ABCG1: variants seen among roughly 807,000 people sequenced by gnomAD.
ABCG1 encodes ATP binding cassette subfamily G member 1.
In ABCG1, 29 loss-of-function variants were observed where a neutral mutation model predicts 69.2. The ratio of observed to expected loss-of-function variants is 0.42; its 90% CI spans 0.31 to 0.57. The LOEUF is 0.57. ABCG1 is among the 20% of genes least tolerant of loss of function. The probability of loss-of-function intolerance (pLI) is 0.15; values close to 1 mark genes in which losing one functional copy is unlikely to be tolerated. For missense variants in ABCG1, 718 were observed against 898.1 expected, an observed-to-expected ratio of 0.80 and a Z score of 2.56; for synonymous variants, 370 against 374.8, an observed-to-expected ratio of 0.99 and a Z score of 0.15.
chr21:42,284,701 C>A lies in ABCG1; in HGVS notation c.858+18C>A. 6.2e-7 allele frequency: 1 copy of A among 1,610,504 alleles called. No individual in the cohort carries two copies. On this transcript the variant is annotated intron_variant, in intron 7 of 14. Coordinates refer to ENST00000398449, the MANE Select transcript of ABCG1 (RefSeq NM_016818.3). ...TCGACCAGGTACGCGGGCCCCGGGC[C>A]CTCCCCGCCAGATTACCACTGCACT... is the stretch of plus-strand genomic sequence containing the variant.
At chr21:42,246,130 G>C (rs928461230) in intron 2 of ABCG1, among the ~76,000 whole-genome samples, 2 of 152,184 alleles carry the variant, frequency 1.3e-5, no homozygotes, top group Non-Finnish European at 2.9e-5. Flanking sequence ...ACTGACATCT[G>C]GGGAACTCAT....
At chr21:42,243,167 T>G (rs2123606722) in intron 2 of ABCG1, among the ~76,000 whole-genome samples, 1 of 152,280 alleles carries the variant, frequency 6.6e-6, no homozygotes, top group African/African-American at 2.4e-5. Context: ...GCTTTCCTTG[T>G]GAACCTGGGT....
chr21:42,259,575 G>C, intron 2 of ABCG1: 1 of 1,483,100 alleles, frequency 6.7e-7, no homozygotes, highest in Non-Finnish European at 9.0e-7. Flanking sequence ...AAATCGAGTG[G>C]CATTGCCTCT....
intron 1 of ABCG1, among the ~76,000 whole-genome samples, chr21:42,224,546 CAG>C (rs1374658470): frequency 1.3e-5 from 2 of 152,226 alleles, no homozygotes; most frequent in African/African-American, 4.8e-5. Flanking sequence ...TCAGCTTTGT[CAG>C]AGTTTCACTT....
chr21:42,200,924 T>G (rs921097195), intron 1 of ABCG1, among the ~76,000 whole-genome samples: 2 of 152,186 alleles, frequency 1.3e-5, no homozygotes, highest in East Asian at 3.8e-4. Context: ...ATTCTTATTT[T>G]ATTGTTTTTC....
intron 6 of ABCG1, 21 bp downstream of exon 6, chr21:42,282,440 C>A (rs1396887816): frequency 6.2e-7 from 1 of 1,601,662 alleles, no homozygotes; most frequent in East Asian, 2.2e-5. Context: ...AGCATCTGAG[C>A]TGGTGTCCAG....
Position 42,268,384 on chromosome 21 carries a change from T to TGC in ABCG1, c.287-2685_287-2684insCG, listed in dbSNP as rs1381389257. Among the ~76,000 whole-genome samples, 1,055 of 136,608 alleles carry TGC rather than the reference T, an allele frequency of 7.7e-3. 15 individuals are homozygous for TGC. The highest frequency in any genetic ancestry group is 0.033 in the African/African-American group (1,002 of 30,310). 89.6% of individuals were successfully genotyped at this position (136,608 alleles called of 152,430 possible). Reference sequence around the variant, plus strand: ...AGGGGTGTGTGTGTGTGTGTGTGTGTGTGTGCGCGCGCGCGCTGGATACTC... The same window carrying TGC: ...AGGGGTGTGTGTGTGTGTGTGTGTGTGCGTGTGCGCGCGCGCGCTGGATACTC... On this transcript the variant is annotated intron_variant, in intron 2 of 14. Transcript: ENST00000398449.
At chr21:42,278,784 C>G (rs143772770) in intron 5 of ABCG1, among the ~76,000 whole-genome samples, 25 of 152,274 alleles carry the variant, frequency 1.6e-4, no homozygotes, top group African/African-American at 5.8e-4. Context: ...AGAGCTGAGT[C>G]TCGGCGAAGT....
intron 6 of ABCG1, 38 bp downstream of exon 6, chr21:42,282,457 G>C (rs2068829905): frequency 1.3e-6 from 2 of 1,590,078 alleles, no homozygotes; most frequent in Non-Finnish European, 1.7e-6. Flanking sequence ...CCAGGGGCAG[G>C]AAGAACCCCC....
At chr21:42,242,746 G>C (rs946584892) in intron 2 of ABCG1, among the ~76,000 whole-genome samples, 2 of 152,174 alleles carry the variant, frequency 1.3e-5, no homozygotes, top group African/African-American at 4.8e-5. Context: ...CCATGAACCG[G>C]GGCAGTGAAC....
In ABCG1 at chr21:42,244,846, C is replaced by T. The variant is rs139791185; in HGVS notation, c.286+18932C>T. On this transcript the variant is annotated intron_variant, in intron 2 of 14. Transcript: ENST00000398449. ...GAGGCACACTTACAAAGGGAACGAC[C>T]GTAGGCAGGTGAAATCCCCACCTTG... Among the ~76,000 whole-genome samples the T allele has an allele frequency of 9.5e-3, 1,452 of 152,298 alleles. 10 individuals carry two copies. Among genetic ancestry groups the T allele is most frequent in the Non-Finnish European group, 0.014 (955 of 68,028 alleles).
intron 1 of ABCG1, among the ~76,000 whole-genome samples, chr21:42,224,449 A>C (rs1316110377): frequency 6.6e-6 from 1 of 151,528 alleles, no homozygotes; most frequent in Non-Finnish European, 1.5e-5. Flanking sequence ...ACACACATAC[A>C]CCCTCCCAGC....
chr21:42,262,539 A>G (rs1488088203), intron 2 of ABCG1, among the ~76,000 whole-genome samples: 2 of 152,206 alleles, frequency 1.3e-5, no homozygotes, highest in Admixed American at 1.3e-4. Flanking sequence ...TCCTCTGTTC[A>G]ATATTTCATG....
intron 14 of ABCG1, chr21:42,295,354 A>G (rs1205944579): frequency 3.3e-5 from 4 of 122,558 alleles, no homozygotes; most frequent in African/African-American, 2.1e-4. Context: ...AAAAAAAAAA[A>G]AAAAAAAAAA....
chr21:42,289,821 T>G (rs567463894), intron 10 of ABCG1, among the ~76,000 whole-genome samples: 1 of 152,314 alleles, frequency 6.6e-6, no homozygotes, highest in South Asian at 2.1e-4. Context: ...GCCTGACATG[T>G]GTGCATATAT....
intron 2 of ABCG1, among the ~76,000 whole-genome samples, chr21:42,205,537 A>G (rs1425670177): frequency 6.6e-6 from 1 of 151,636 alleles, no homozygotes; most frequent in Non-Finnish European, 1.5e-5. Context: ...GGCGGAGGTT[A>G]TGGTGAGCCA....
intron 2 of ABCG1, among the ~76,000 whole-genome samples, chr21:42,230,792 G>A (rs1189645923): frequency 1.3e-5 from 2 of 152,158 alleles, no homozygotes; most frequent in South Asian, 2.1e-4. Flanking sequence ...AATGATAGCC[G>A]TTCTTCAATC....
chr21:42,251,047 CA>C (rs1471917223), intron 2 of ABCG1, among the ~76,000 whole-genome samples: 1 of 47,878 alleles, frequency 2.1e-5, no homozygotes, highest in East Asian at 1.1e-3. Context: ...CTTGCCTGAC[CA>C]TACCCTGTGA....
chr21:42,220,014 G>T, intron 1 of ABCG1: 1 of 1,553,428 alleles, frequency 6.4e-7, no homozygotes, highest in South Asian at 1.2e-5. Flanking sequence ...GGATGGCGGG[G>T]TGTCGGCGAG....
Sources: allele counts gnomAD v4.1 joint callset (sites outside exome capture counted in the v4.1 genomes callset), GRCh38; gene constraint gnomAD v4.1.1; transcripts MANE v1.5; gene names NCBI Gene and HGNC (gene_info 2026-07-23, HGNC 2026-07-21).